Variants in TMEM120B observed in about 807,000 individuals in gnomAD.
The protein encoded by TMEM120B is transmembrane protein 120B.
Under a neutral mutation model 55.5 loss-of-function variants are expected in TMEM120B, and 31 were observed. The observed-to-expected ratio is 0.56, with a 90% CI of 0.42 to 0.75. TMEM120B has a LOEUF of 0.75. Among genes scored for constraint, TMEM120B ranks in the 30% least tolerant of loss-of-function variants. The pLI is 0.00. For missense variants in TMEM120B, 399 were observed against 425.5 expected (o/e 0.94, Z 0.55); for synonymous variants, 203 against 176.3 (o/e 1.15, Z -1.20).
intron 1 of TMEM120B, among the ~76,000 whole-genome samples, chr12:121,715,478 G>A (rs1894683317): frequency 6.6e-6 from 1 of 152,208 alleles, no homozygotes. Flanking sequence ...CTCAGATGCT[G>A]AGGTATGTTA....
chr12:121,752,050 G>T, intron 4 of TMEM120B, 78 bp from the exon 5 acceptor site: 1 of 1,214,258 alleles, frequency 8.2e-7, no homozygotes, highest in Non-Finnish European at 1.2e-6. Context: ...ACAAGGGTCT[G>T]ATGGGGCTGA....
chr12:121,758,020 G>GC (rs1225930035), intron 5 of TMEM120B: 53 of 277,006 alleles, frequency 1.9e-4, no homozygotes, highest in Non-Finnish European at 2.8e-4. Context: ...TTAGGAGTCT[G>GC]AGGTGAGAGG....
chr12:121,726,907 CAAAAAA>C lies in TMEM120B; in HGVS notation c.69+13967_69+13972del, dbSNP rs71305665. Among the ~76,000 whole-genome samples the C allele has an allele frequency of 5.6e-4, 41 of 73,714 alleles. No individual in the cohort carries two copies. The East Asian group carries it at 8.3e-3, about 15-fold the overall frequency. The allele number at this position is 73,714 out of a possible 152,430, so 48.4% of individuals were successfully genotyped here. A position where few individuals can be genotyped will look rare whatever the true frequency, so the allele number is the denominator to read the frequency against. ...TGGGCAACAGAGTGGGACTCTGTCT[CAAAAAA>C]AAAAAAAAAAAAAAAAAAAAAAAGC... On this transcript the variant is annotated intron_variant, in intron 1 of 11. Coordinates refer to ENST00000449592, the MANE Select transcript of TMEM120B (RefSeq NM_001080825.2).
intron 1 of TMEM120B, 74 bp downstream of exon 1, chr12:121,713,038 C>A: frequency 4.5e-6 from 6 of 1,320,642 alleles, no homozygotes; most frequent in Non-Finnish European, 6.1e-6. Context: ...AGCCCCCCGG[C>A]CCGGGCGGTG....
rs192732523 is a variant in TMEM120B at position 121,770,772 on chromosome 12, T to C, written c.552-135T>C. The C allele has an allele frequency of 4.9e-3, 3,765 of 767,618 alleles. 17 individuals carry two copies. The highest frequency in any genetic ancestry group is 6.4e-3 in the South Asian group (416 of 65,078). The allele number at this position is 767,618 out of a possible 1,614,324, so 47.6% of individuals were successfully genotyped here. ...ACAGAGAGGAGGGCACGGTCAGGGTTCCAGTCTGTTTCTTACTCCAAGAAG... is the reference window on the plus strand; with the variant it reads ...ACAGAGAGGAGGGCACGGTCAGGGTCCCAGTCTGTTTCTTACTCCAAGAAG... On this transcript the variant is annotated intron_variant, in intron 6 of 11. Coordinates refer to ENST00000449592, the MANE Select transcript of TMEM120B (RefSeq NM_001080825.2).
In TMEM120B at chr12:121,748,384, A is replaced by G. The variant is rs746488527; in HGVS notation, c.247A>G (p.Ile83Val). The change falls in exon 3 of 12, where the codon ATC becomes GTC. Residue 83 changes from isoleucine to valine, a missense_variant. Ile to Val is a conservative substitution (Grantham distance 29). This residue lies in a region of TMEM120B where 133 missense variants were observed against 104.1 expected (regional missense o/e 1.28). Transcript: ENST00000449592. ...AELVQQMAAN[I>V]KERQDVFFDM... ...GCTCGTTCAGCAGATGGCAGCGAAC[A>G]TCAAGGAGCGGCAGGACGTCTTCTT... The G allele has an allele frequency of 1.2e-6, 2 of 1,611,110 alleles. No homozygotes were observed. Among genetic ancestry groups the G allele is most frequent in the Non-Finnish European group, 1.7e-6 (2 of 1,178,680 alleles).
intron 6 of TMEM120B, among the ~76,000 whole-genome samples, chr12:121,765,671 A>G (rs565379659): frequency 1.3e-3 from 204 of 152,334 alleles, no homozygotes; most frequent in African/African-American, 4.5e-3. Context: ...GAAGGACTAC[A>G]GGAGCTGGGG....
chr12:121,752,533 A>G (rs945324401), intron 5 of TMEM120B, among the ~76,000 whole-genome samples: 1 of 151,544 alleles, frequency 6.6e-6, no homozygotes, highest in Non-Finnish European at 1.5e-5. Flanking sequence ...CAGGCAGATC[A>G]TTTGAGGTCA....
intron 1 of TMEM120B, among the ~76,000 whole-genome samples, chr12:121,734,888 G>T (rs974745932): frequency 2.0e-5 from 3 of 150,972 alleles, no homozygotes; most frequent in Non-Finnish European, 1.5e-5. Context: ...ACTCCAGCCT[G>T]GGCGACAAGA....
intron 7 of TMEM120B, 55 bp from the exon 8 acceptor site, chr12:121,771,433 G>A: frequency 6.8e-7 from 1 of 1,465,782 alleles, no homozygotes; most frequent in Non-Finnish European, 9.6e-7. Context: ...GGGCGGGGAG[G>A]AATGTCTCAT....
At chr12:121,760,077 G>C (rs1873620065) in intron 5 of TMEM120B, among the ~76,000 whole-genome samples, 1 of 146,764 alleles carries the variant, frequency 6.8e-6, no homozygotes, top group Non-Finnish European at 1.5e-5. Context: ...GTTGCAGTAA[G>C]CCGAGATCAC....
At chr12:121,736,887 G>T (rs1005216469) in intron 1 of TMEM120B, among the ~76,000 whole-genome samples, 1 of 152,016 alleles carries the variant, frequency 6.6e-6, no homozygotes, top group African/African-American at 2.4e-5. Context: ...ATGCGGGACT[G>T]ACAGATTTGT....
At chr12:121,771,439 C>A in intron 7 of TMEM120B, 49 bp from the exon 8 acceptor site, 1 of 1,518,028 alleles carries the variant, frequency 6.6e-7, no homozygotes, top group Non-Finnish European at 9.2e-7. Flanking sequence ...GGAGGAATGT[C>A]TCATTTCATA....
chr12:121,764,992 A>G (rs1453274056), intron 6 of TMEM120B, among the ~76,000 whole-genome samples: 1 of 152,028 alleles, frequency 6.6e-6, no homozygotes, highest in Non-Finnish European at 1.5e-5. Context: ...AGTCTGCTCT[A>G]CCCTCCATCT....
intron 1 of TMEM120B, among the ~76,000 whole-genome samples, chr12:121,724,957 T>C (rs1894865899): frequency 6.6e-6 from 1 of 152,196 alleles, no homozygotes; most frequent in Non-Finnish European, 1.5e-5. Context: ...AGGCTCCATG[T>C]CAGTCATTTA....
At chr12:121,753,835 AC>A (rs1873402714) in intron 5 of TMEM120B, among the ~76,000 whole-genome samples, 4 of 152,212 alleles carry the variant, frequency 2.6e-5, no homozygotes, top group Non-Finnish European at 5.9e-5. Flanking sequence ...TCCCTGCCTC[AC>A]AGGGCTGTGA....
At chr12:121,731,058 A>G (rs562166272) in intron 1 of TMEM120B, among the ~76,000 whole-genome samples, 3 of 152,180 alleles carry the variant, frequency 2.0e-5, no homozygotes, top group East Asian at 1.9e-4. Context: ...AGTGATTGCC[A>G]GGGGCTGAGG....
intron 1 of TMEM120B, among the ~76,000 whole-genome samples, chr12:121,729,812 A>G (rs1180896798): frequency 1.3e-5 from 2 of 152,124 alleles, no homozygotes; most frequent in East Asian, 1.9e-4. Context: ...AAATATAGAA[A>G]GCGGGGTTTC....
chr12:121,755,265 G>A (rs1246239799), intron 5 of TMEM120B, among the ~76,000 whole-genome samples: 1 of 152,174 alleles, frequency 6.6e-6, no homozygotes, highest in Non-Finnish European at 1.5e-5. Flanking sequence ...AGGGTTCTGG[G>A]TCCAGCTCTG....
Sources: allele counts gnomAD v4.1 joint callset (sites outside exome capture counted in the v4.1 genomes callset), GRCh38; gene constraint gnomAD v4.1.1; regional missense constraint gnomAD v4.1.1; transcripts MANE v1.5; gene names NCBI Gene and HGNC (gene_info 2026-07-23, HGNC 2026-07-21).